The following COBL variants were observed in gnomAD, a reference collection of about 807,000 sequenced individuals.
COBL encodes protein cordon-bleu.
In COBL, 51 loss-of-function variants were observed where a neutral mutation model predicts 98.8. The observed-to-expected ratio is 0.52, with a 90% confidence interval of 0.41 to 0.65. The LOEUF is 0.65. Among genes scored for constraint, COBL ranks in the 30% least tolerant of loss-of-function variants. The probability of loss-of-function intolerance (pLI) is 0.00; values close to 1 mark genes in which losing one functional copy is unlikely to be tolerated. For missense variants in COBL, 1,617 were observed against 1,617.5 expected (o/e 1.00, Z 0.01); for synonymous variants, 634 against 651.7 (o/e 0.97, Z 0.41).
chr7:51,082,637 T>TA (rs1482226498), intron 7 of COBL, among the ~76,000 whole-genome samples: 2 of 151,788 alleles, frequency 1.3e-5, no homozygotes, highest in Non-Finnish European at 2.9e-5. Context: ...ACAGCTAACT[T>TA]ACGAAGGACG....
rs192216501 is a variant in COBL, at chr7:51,131,678, C to T, written c.957+4480G>A. On this transcript the variant is annotated intron_variant, in intron 6 of 12. Coordinates refer to ENST00000265136, the MANE Select transcript of COBL (RefSeq NM_015198.5). ...GCACGATCTCGGCCCACTGCAACCCCCACCTTCCAGTTTCAAGTGATTCTC... is the reference window on the plus strand; with the variant it reads ...GCACGATCTCGGCCCACTGCAACCCTCACCTTCCAGTTTCAAGTGATTCTC... Among the ~76,000 whole-genome samples, 574 of 152,180 alleles carry T rather than the reference C, an allele frequency of 3.8e-3. 2 individuals carry two copies. Among genetic ancestry groups the T allele is most frequent in the Middle Eastern group, 6.8e-3 (2 of 292 alleles).
Position 51,028,090 on chromosome 7 carries a change from A to C in COBL, c.3006T>G (p.Ser1002Arg). ...SCGFSGKQST[S>R]SQEASSASEP... ...CAGATGCTGAGCTGGCCTCCTGGCTACTTGTGCTTTGCTTTCCACTGAAAC... is the reference window on the plus strand; with the variant it reads ...CAGATGCTGAGCTGGCCTCCTGGCTCCTTGTGCTTTGCTTTCCACTGAAAC... Residue 1002 changes from serine (S) to arginine (R), a missense_variant, in exon 10 of 13, where the codon AGT (serine) becomes AGG (arginine). Ser to Arg is a moderately radical substitution (Grantham distance 110). Coordinates refer to ENST00000265136, the MANE Select transcript of COBL (RefSeq NM_015198.5). 1 of 1,614,046 alleles carries C rather than the reference A, an allele frequency of 6.2e-7. No homozygotes were observed. Among genetic ancestry groups the C allele is most frequent in the Non-Finnish European group, 8.5e-7 (1 of 1,179,958 alleles).
At chr7:51,263,975 C>G (rs1359135948) in intron 1 of COBL, among the ~76,000 whole-genome samples, 1 of 152,192 alleles carries the variant, frequency 6.6e-6, no homozygotes, top group Non-Finnish European at 1.5e-5. Context: ...GTTTTCATGA[C>G]AGCTCACAAG....
intron 2 of COBL, among the ~76,000 whole-genome samples, chr7:51,207,200 A>G (rs1320517828): frequency 1.3e-5 from 2 of 152,204 alleles, no homozygotes; most frequent in African/African-American, 2.4e-5. Context: ...AAAAAAAAGA[A>G]AATCACTTTT....
chr7:51,279,634 T>C (rs1213436866), intron 1 of COBL, among the ~76,000 whole-genome samples: 4 of 152,186 alleles, frequency 2.6e-5, no homozygotes, highest in African/African-American at 2.4e-5. Flanking sequence ...GACACATTAT[T>C]ATCACCCAGC....
chr7:51,065,906 C>G (rs753233236), intron 7 of COBL, among the ~76,000 whole-genome samples: 23 of 152,174 alleles, frequency 1.5e-4, no homozygotes, highest in Admixed American at 2.0e-4. Flanking sequence ...AGACACACAA[C>G]AAGGGAAGAC....
In COBL at chr7:51,206,296, A is replaced by C. The variant is rs538961255; in HGVS notation, c.246-12707T>G. Among the ~76,000 whole-genome samples the C allele has an allele frequency of 2.0e-5, 3 of 152,280 alleles. No homozygotes were observed. The East Asian group carries it at 5.8e-4, about 29-fold the overall frequency. On this transcript the variant is annotated intron_variant, in intron 2 of 12. Transcript: ENST00000265136. ...CACCTGAGGTCAAGAGTTCAAGACC[A>C]GCCTGGCCAACAACACAAAACCCTA...
intron 6 of COBL, among the ~76,000 whole-genome samples, chr7:51,098,331 C>T (rs1205355046): frequency 1.3e-5 from 2 of 149,436 alleles, no homozygotes; most frequent in Non-Finnish European, 3.0e-5. Context: ...AACAATAAAA[C>T]ATAGCTGGAA....
intron 6 of COBL, among the ~76,000 whole-genome samples, chr7:51,098,405 GAC>G (rs1430824149): frequency 2.6e-5 from 4 of 151,886 alleles, no homozygotes; most frequent in African/African-American, 7.3e-5. Flanking sequence ...GTATGGTACT[GAC>G]ATAGAGAACA....
intron 1 of COBL, among the ~76,000 whole-genome samples, chr7:51,266,409 T>A (rs1424907799): frequency 1.3e-5 from 2 of 152,088 alleles, no homozygotes; most frequent in African/African-American, 4.8e-5. Context: ...AGAAACCCCA[T>A]CTCTACTAAA....
At chr7:51,187,469 A>G (rs1375896553) in intron 4 of COBL, among the ~76,000 whole-genome samples, 1 of 152,178 alleles carries the variant, frequency 6.6e-6, no homozygotes, top group Non-Finnish European at 1.5e-5. Context: ...AATCATTTGC[A>G]TACTTGTCTA....
In COBL at chr7:51,188,617, C is replaced by G. The variant is rs535632279; in HGVS notation, c.685+2233G>C. ...GGTGGGGTGGAAAGGGCCAAAATGTCCAAAGGAGTAGAGAGGGGGACTTGG... is the reference window on the plus strand; with the variant it reads ...GGTGGGGTGGAAAGGGCCAAAATGTGCAAAGGAGTAGAGAGGGGGACTTGG... On this transcript the variant is annotated intron_variant, in intron 4 of 12. Transcript: ENST00000265136. Among the ~76,000 whole-genome samples the G allele has an allele frequency of 2.0e-5, 3 of 152,274 alleles. No individual in the cohort carries two copies. The South Asian group carries it at 6.2e-4, about 32-fold the overall frequency.
At position 51,043,580 on chromosome 7, in the gene COBL, C is replaced by A; in HGVS notation, c.1209G>T (p.Thr403=). The stretch of plus-strand genomic sequence containing the variant: ...AACTCATCACTCCTGAGTCCTCGGT[C>A]GTGTCCTCCGACGCAAAACAGCTGC... The part of the protein sequence containing the change: ...SVGSCFASED[T]TEDSGVMSSP... Residue 403 remains threonine (T), a synonymous_variant, in exon 8 of 13, where the codon ACG becomes ACT. Transcript: ENST00000265136. 1 of 1,614,204 alleles carries A rather than the reference C, an allele frequency of 6.2e-7. No homozygotes were observed. Among genetic ancestry groups the A allele is most frequent in the South Asian group, 1.1e-5 (1 of 91,072 alleles).
chr7:51,154,469 C>A (rs2129026986), intron 5 of COBL, among the ~76,000 whole-genome samples: 1 of 152,328 alleles, frequency 6.6e-6, no homozygotes, highest in East Asian at 1.9e-4. Flanking sequence ...GGCAGCAAAT[C>A]CTGATCTGGG....
chr7:51,185,091 A>G (rs1478967721), intron 4 of COBL, among the ~76,000 whole-genome samples: 1 of 152,098 alleles, frequency 6.6e-6, no homozygotes, highest in Non-Finnish European at 1.5e-5. Flanking sequence ...ATTTTTCTTC[A>G]TCAGGATTCT....
chr7:51,222,029 A>T (rs569315062), intron 1 of COBL, among the ~76,000 whole-genome samples: 1 of 152,166 alleles, frequency 6.6e-6, no homozygotes, highest in Admixed American at 6.5e-5. Flanking sequence ...CTCTACTAAA[A>T]ATACAAAAAA....
intron 1 of COBL, among the ~76,000 whole-genome samples, chr7:51,307,347 TCAAAACAAAAACAAAAA>T (rs1454435832): frequency 8.4e-5 from 8 of 95,134 alleles, no homozygotes; most frequent in Non-Finnish European, 2.7e-5. Context: ...AGACTCCATC[TCAAAACAAAAACAAAAA>T]CAAAAACAAA....
intron 2 of COBL, among the ~76,000 whole-genome samples, chr7:51,207,945 G>A (rs1361973112): frequency 2.0e-5 from 3 of 149,722 alleles, no homozygotes; most frequent in Non-Finnish European, 4.5e-5. Context: ...GGAAAGTGAG[G>A]AGCGTCTCTG....
At position 51,193,010 on chromosome 7, in the gene COBL, T is replaced by C. The variant is rs371408994; in HGVS notation, c.456+369A>G. On this transcript the variant is annotated intron_variant, in intron 3 of 12. Transcript: ENST00000265136. ...AAAATCTACATGAATATTTTAGATA[T>C]TTAAGTTATAATAAACATACCAAAT... is the stretch of plus-strand genomic sequence containing the variant. Among the ~76,000 whole-genome samples the C allele has an allele frequency of 2.6e-5, 4 of 152,338 alleles. No individual in the cohort carries two copies. The South Asian group carries it at 8.3e-4, about 32-fold the overall frequency.
Sources: gnomAD v4.1 joint callset for allele counts (sites outside exome capture counted in the v4.1 genomes callset) on GRCh38, gnomAD v4.1.1 for gene constraint, MANE v1.5 for transcripts, NCBI Gene and HGNC (gene_info 2026-07-23, HGNC 2026-07-21) for gene names.